The following FREM1 variants were observed in gnomAD, a reference collection of about 807,000 sequenced individuals.
The protein encoded by FREM1 is FRAS1-related extracellular matrix protein 1.
In FREM1, 220 loss-of-function variants were observed where a neutral mutation model predicts 210.1. The observed-to-expected ratio is 1.05, with a 90% CI of 0.94 to 1.17. FREM1 has a LOEUF of 1.17. Among genes scored for constraint, FREM1 ranks in the 50% most tolerant of loss-of-function variants. The pLI, the probability that FREM1 is intolerant of heterozygous loss-of-function variation, is 0.00. For synonymous variants in FREM1, 1,189 were observed against 980.2 expected (o/e 1.21, Z -3.98); for missense variants, 3,454 against 2,675.5 (o/e 1.29, Z -6.42).
intron 3 of FREM1, among the ~76,000 whole-genome samples, chr9:14,861,097 A>AT (rs1564105681): frequency 3.2e-5 from 3 of 94,792 alleles, no homozygotes; most frequent in African/African-American, 2.1e-4. Flanking sequence ...ACATATATAT[A>AT]AACATATATA....
intron 19 of FREM1, 58 bp from the exon 20 acceptor site, chr9:14,801,932 T>C: frequency 2.4e-6 from 3 of 1,275,580 alleles, no homozygotes; most frequent in South Asian, 2.8e-5. Flanking sequence ...TGTCTTTCTT[T>C]GGAAAACTGC....
chr9:14,899,247 ACATGTGGCTGCACACC>A (rs558933416), intron 1 of FREM1, among the ~76,000 whole-genome samples: 387 of 152,344 alleles, frequency 2.5e-3, no homozygotes, highest in Non-Finnish European at 4.6e-3. Context: ...GTGAGACACC[ACATGTGGCTGCACACC>A]CATGCCAGTG....
At chr9:14,774,503 T>A (rs1267726079) in intron 25 of FREM1, among the ~76,000 whole-genome samples, 2 of 144,174 alleles carry the variant, frequency 1.4e-5, no homozygotes, top group Admixed American at 7.0e-5. Context: ...GCCAATTTCC[T>A]AAAATAAATC....
chr9:14,749,312 T>C (rs1842953866), intron 30 of FREM1, among the ~76,000 whole-genome samples: 1 of 151,818 alleles, frequency 6.6e-6, no homozygotes, highest in Non-Finnish European at 1.5e-5. Flanking sequence ...TGAGGAAAGG[T>C]AGTGGGGAGA....
At chr9:14,810,696 T>C (rs139375714) in intron 16 of FREM1, among the ~76,000 whole-genome samples, 58 of 152,338 alleles carry the variant, frequency 3.8e-4, no homozygotes, top group African/African-American at 1.3e-3. Flanking sequence ...ATTTAATATA[T>C]ATTTTAATAA....
chr9:14,784,740 T>C (rs887616716), intron 23 of FREM1, 106 bp from the exon 24 acceptor site: 10 of 718,232 alleles, frequency 1.4e-5, no homozygotes, highest in Non-Finnish European at 1.6e-5. Flanking sequence ...TCAAAATTAA[T>C]ACGACATAGA....
In FREM1 at chr9:14,806,751, A is replaced by G; in HGVS notation, c.3184T>C (p.Phe1062Leu). The G allele has an allele frequency of 6.2e-7, 1 of 1,605,744 alleles. No homozygotes were observed. The highest frequency in any genetic ancestry group is 8.5e-7 in the Non-Finnish European group (1 of 1,175,916). ...DPDTAADDLE[F>L]VLVSPPQFGY... ...AACTGAGGAGGAGAAACCAAAACAA[A>G]TTCCAAGTCATCTGCTGCAGTGTCA... The change falls in exon 18 of 37, where the codon TTT (phenylalanine) becomes CTT (leucine). Residue 1062 changes from phenylalanine to leucine, a missense_variant. Coordinates refer to ENST00000380880, the MANE Select transcript of FREM1 (RefSeq NM_001379081.2).
At chr9:14,847,466 G>A (rs1472985798) in intron 7 of FREM1, among the ~76,000 whole-genome samples, 6 of 126,852 alleles carry the variant, frequency 4.7e-5, no homozygotes, top group Non-Finnish European at 7.0e-5. Context: ...GGGTGGGAGG[G>A]AGAAGAAATG....
At chr9:14,883,778 C>G (rs536494506) in intron 1 of FREM1, among the ~76,000 whole-genome samples, 24 of 152,346 alleles carry the variant, frequency 1.6e-4, no homozygotes, top group African/African-American at 5.5e-4. Flanking sequence ...TTAGTCCCAG[C>G]ATAGGGCTAA....
intron 2 of FREM1, among the ~76,000 whole-genome samples, chr9:14,867,244 G>T (rs190551521): frequency 1.8e-4 from 28 of 152,246 alleles, no homozygotes; most frequent in Non-Finnish European, 2.4e-4. Flanking sequence ...CTCATCCTAT[G>T]TAGCACATTG....
intron 35 of FREM1, among the ~76,000 whole-genome samples, chr9:14,741,162 T>C (rs1435496617): frequency 1.3e-5 from 2 of 152,180 alleles, no homozygotes; most frequent in East Asian, 3.8e-4. Flanking sequence ...TAAATCACCA[T>C]GATCTTTTTG....
chr9:14,862,946 T>A (rs1830836096), intron 3 of FREM1, among the ~76,000 whole-genome samples: 1 of 152,232 alleles, frequency 6.6e-6, no homozygotes, highest in Admixed American at 6.5e-5. Context: ...TAAGTGCAAG[T>A]TCTTATGTAA....
At chr9:14,853,126 C>G (rs945458963) in intron 5 of FREM1, among the ~76,000 whole-genome samples, 1 of 152,192 alleles carries the variant, frequency 6.6e-6, no homozygotes, top group African/African-American at 2.4e-5. Context: ...TCTCCTGTCC[C>G]TTAAAATGTG....
chr9:14,740,525 C>A (rs1352096062), intron 35 of FREM1, among the ~76,000 whole-genome samples: 1 of 152,112 alleles, frequency 6.6e-6, no homozygotes, highest in Non-Finnish European at 1.5e-5. Flanking sequence ...GGAAAATCAG[C>A]AACTGCCTAC....
chr9:14,885,704 G>A (rs796302177), intron 1 of FREM1, among the ~76,000 whole-genome samples: 2 of 147,712 alleles, frequency 1.4e-5, no homozygotes, highest in South Asian at 4.3e-4. Flanking sequence ...TTACAGGTGT[G>A]AGCCACCAGG....
At chr9:14,865,819 G>A (rs895799373) in intron 2 of FREM1, among the ~76,000 whole-genome samples, 30 of 152,080 alleles carry the variant, frequency 2.0e-4, no homozygotes, top group Non-Finnish European at 4.1e-4. Context: ...ACAGACTTAG[G>A]AATCTTGTTT....
At chr9:14,863,752 A>G (rs1831002212) in intron 3 of FREM1, 57 bp downstream of exon 3, 4 of 1,047,578 alleles carry the variant, frequency 3.8e-6, no homozygotes, top group Non-Finnish European at 6.0e-6. Context: ...AAAAGCCCTC[A>G]TAAGAACACA....
chr9:14,802,170 G>A (rs759339865), intron 19 of FREM1, among the ~76,000 whole-genome samples: 5 of 152,104 alleles, frequency 3.3e-5, no homozygotes, highest in Non-Finnish European at 7.4e-5. Context: ...AAAGGTCAGG[G>A]GAAAAATGCA....
At chr9:14,832,559 T>C (rs1002856974) in intron 10 of FREM1, among the ~76,000 whole-genome samples, 5 of 152,208 alleles carry the variant, frequency 3.3e-5, no homozygotes, top group African/African-American at 1.2e-4. Flanking sequence ...TCTACAATGC[T>C]TTTCCTTCTT....
Sources: gnomAD v4.1 joint callset for allele counts (sites outside exome capture counted in the v4.1 genomes callset) on GRCh38, gnomAD v4.1.1 for gene constraint, MANE v1.5 for transcripts, NCBI Gene and HGNC (gene_info 2026-07-23, HGNC 2026-07-21) for gene names.